Variants in KMT5B observed in about 807,000 individuals in gnomAD.
KMT5B encodes the protein histone-lysine N-methyltransferase KMT5B.
KMT5B carries 10 observed loss-of-function variants against 83.2 expected under a neutral mutation model. That is an observed-to-expected ratio of 0.12 (90% CI 0.07 to 0.20). The LOEUF (loss-of-function observed/expected upper bound fraction) is 0.20. Among genes scored for constraint, KMT5B ranks in the 10% least tolerant of loss-of-function variants. KMT5B has a pLI of 1.00. For synonymous variants in KMT5B, 349 were observed against 388.8 expected, an observed-to-expected ratio of 0.90 and a Z score of 1.20; for missense variants, 753 against 1,067.2, an observed-to-expected ratio of 0.71 and a Z score of 4.10.
In KMT5B at chr11:68,180,188, C is replaced by G. The variant is rs778807355; in HGVS notation, c.321G>C (p.Ser107=). 8 of 1,567,306 alleles carry G rather than the reference C, an allele frequency of 5.1e-6. No homozygotes were observed. The highest frequency in any genetic ancestry group is 1.4e-5 in the African/African-American group (1 of 74,070). Residue 107 remains serine (S), a synonymous_variant, in exon 4 of 11, where the codon TCG becomes TCC. Coordinates refer to ENST00000304363, the MANE Select transcript of KMT5B (RefSeq NM_017635.5). The part of the protein sequence containing the change: ...THKMNTSAFP[S]RSSRHFSKSD... ...ATTTTGAAAAATGCCTTGAGCTCCTCGAAGGAAAGGCGCTATATAAATGCA... is the reference window on the plus strand; with the variant it reads ...ATTTTGAAAAATGCCTTGAGCTCCTGGAAGGAAAGGCGCTATATAAATGCA...
At chr11:68,178,300 T>C (rs893899551) in intron 4 of KMT5B, among the ~76,000 whole-genome samples, 3 of 152,212 alleles carry the variant, frequency 2.0e-5, no homozygotes, top group Non-Finnish European at 4.4e-5. Context: ...TTCATTCCTA[T>C]CTAAAAATGC....
At chr11:68,163,196 G>A (rs1000914301) in intron 10 of KMT5B, among the ~76,000 whole-genome samples, 2 of 152,186 alleles carry the variant, frequency 1.3e-5, no homozygotes, top group East Asian at 3.8e-4. Context: ...ATTTTAGGTG[G>A]GGGTACACAT....
chr11:68,160,624 C>G (rs1361414985), intron 10 of KMT5B, among the ~76,000 whole-genome samples: 1 of 152,166 alleles, frequency 6.6e-6, no homozygotes, highest in African/African-American at 2.4e-5. Flanking sequence ...TTCCGCCCAG[C>G]TAAGCAAGTA....
chr11:68,206,519 G>A (rs1403165607), intron 1 of KMT5B, among the ~76,000 whole-genome samples: 1 of 152,218 alleles, frequency 6.6e-6, no homozygotes, highest in Non-Finnish European at 1.5e-5. Flanking sequence ...GATTAAGGAT[G>A]TGGCTCTGCA....
intron 1 of KMT5B, among the ~76,000 whole-genome samples, chr11:68,201,855 G>A (rs1416108128): frequency 6.6e-6 from 1 of 151,674 alleles, no homozygotes; most frequent in Non-Finnish European, 1.5e-5. Flanking sequence ...CGAAGCAGGT[G>A]GATTCCTTGA....
chr11:68,179,343 C>CAT, intron 4 of KMT5B: 1 of 905,646 alleles, frequency 1.1e-6, no homozygotes, highest in Non-Finnish European at 1.5e-6. Flanking sequence ...ATCAACCAAA[C>CAT]ATATCTATTT....
At chr11:68,176,144 G>T (rs940493226) in intron 4 of KMT5B, among the ~76,000 whole-genome samples, 1 of 152,166 alleles carries the variant, frequency 6.6e-6, no homozygotes, top group East Asian at 1.9e-4. Context: ...ACCTCAAGTG[G>T]TCTGCCCACC....
intron 9 of KMT5B, among the ~76,000 whole-genome samples, chr11:68,168,153 C>A (rs1045941617): frequency 1.3e-5 from 2 of 152,070 alleles, no homozygotes; most frequent in Admixed American, 6.6e-5. Flanking sequence ...GAGCAAGACT[C>A]CGTCTAAAAA....
At chr11:68,186,761 G>C (rs1439797699) in intron 2 of KMT5B, among the ~76,000 whole-genome samples, 3 of 152,210 alleles carry the variant, frequency 2.0e-5, no homozygotes, top group African/African-American at 7.2e-5. Flanking sequence ...CAACAGCAAT[G>C]TAACTTTCAG....
At chr11:68,170,020 C>T (rs1004765167) in intron 9 of KMT5B, among the ~76,000 whole-genome samples, 1 of 152,164 alleles carries the variant, frequency 6.6e-6, no homozygotes, top group Non-Finnish European at 1.5e-5. Context: ...ATGACTCCGT[C>T]CTCTCTCACC....
intron 1 of KMT5B, among the ~76,000 whole-genome samples, chr11:68,208,698 A>C (rs944437975): frequency 6.6e-6 from 1 of 152,030 alleles, no homozygotes; most frequent in African/African-American, 2.4e-5. Context: ...TGTAAATATA[A>C]AAACAAGACC....
intron 2 of KMT5B, among the ~76,000 whole-genome samples, chr11:68,188,320 G>A (rs994518288): frequency 4.6e-5 from 7 of 151,004 alleles, no homozygotes; most frequent in Non-Finnish European, 8.8e-5. Context: ...CACCACGCCC[G>A]GCCCGTAATG....
At chr11:68,199,529 G>A (rs189648214) in intron 1 of KMT5B, among the ~76,000 whole-genome samples, 38 of 152,284 alleles carry the variant, frequency 2.5e-4, no homozygotes, top group African/African-American at 8.9e-4. Flanking sequence ...AGGGAAGAAG[G>A]GCTTCAAAGC....
rs1373353869 is a variant in KMT5B at position 68,156,083 on chromosome 11, A to C, written c.*1605T>G. On this transcript the variant is annotated 3_prime_UTR_variant, in exon 11 of 11. Coordinates refer to ENST00000304363, the MANE Select transcript of KMT5B (RefSeq NM_017635.5). The stretch of plus-strand genomic sequence containing the variant: ...TAGGAATCAATTAGTAGTAACAGTA[A>C]GCATTGAGATTTTCTCCACTGGACT... 6.6e-6 allele frequency: 1 copy of C among 152,242 alleles called. No homozygotes were observed. The highest frequency in any genetic ancestry group is 2.4e-5 in the African/African-American group (1 of 41,468). The allele number at this position is 152,242 out of a possible 1,614,324, so 9.4% of individuals were successfully genotyped here.
intron 9 of KMT5B, 47 bp from the exon 10 acceptor site, chr11:68,167,225 T>C (rs1272950289): frequency 5.8e-6 from 9 of 1,548,496 alleles, no homozygotes; most frequent in Middle Eastern, 1.7e-4. Flanking sequence ...CACACTTTCT[T>C]ATAATAAGCT....
In KMT5B at chr11:68,172,977, T is replaced by C. The variant is rs144956639; in HGVS notation, c.653+827A>G. Among the ~76,000 whole-genome samples the C allele has an allele frequency of 2.6e-4, 40 of 152,244 alleles. 1 individual carries two copies. The highest frequency in any genetic ancestry group is 8.7e-4 in the African/African-American group (36 of 41,562). On this transcript the variant is annotated intron_variant, in intron 6 of 10. Transcript: ENST00000304363. Reference sequence around the variant, plus strand: ...GAGATAACATAGGGAACAGGCATGATAGGAAAGAAGATACAGTAGTATATT... The same window carrying C: ...GAGATAACATAGGGAACAGGCATGACAGGAAAGAAGATACAGTAGTATATT...
rs1218219121 is a variant in KMT5B, at chr11:68,173,907, T to C, written c.550A>G (p.Ile184Val). 11 of 1,586,000 alleles carry C rather than the reference T, an allele frequency of 6.9e-6. No individual in the cohort carries two copies. The African/African-American group carries it at 1.4e-4, about 20-fold the overall frequency. ...QEKLFKEHVF[I>V]YLRMFATDSG... ...TCAGTTGCAAACATTCGCAAATAAA[T>C]AAATACCTAAAACAGGAAAAAAAAA... The change falls in exon 6 of 11, where the codon ATT becomes GTT. Residue 184 changes from isoleucine (I) to valine (V), a missense_variant. Ile to Val is a conservative substitution (Grantham distance 29, BLOSUM62 3). Around this residue, in one of 9 missense-constraint regions of KMT5B, gnomAD observed 71 missense variants for 107.0 expected, o/e 0.66. Transcript: ENST00000304363.
intron 9 of KMT5B, among the ~76,000 whole-genome samples, chr11:68,168,631 G>A (rs555754845): frequency 2.6e-5 from 4 of 152,166 alleles, no homozygotes; most frequent in South Asian, 4.1e-4. Flanking sequence ...TCACACGTGC[G>A]TGGCCTTTGC....
chr11:68,204,295 T>C (rs1302185471), intron 1 of KMT5B, among the ~76,000 whole-genome samples: 1 of 152,174 alleles, frequency 6.6e-6, no homozygotes, highest in Non-Finnish European at 1.5e-5. Context: ...AATGCTACCT[T>C]ATAAGGAAAA....
Sources: gnomAD v4.1 joint callset for allele counts (sites outside exome capture counted in the v4.1 genomes callset) on GRCh38, gnomAD v4.1.1 for gene constraint, gnomAD v4.1.1 regional missense constraint, MANE v1.5 for transcripts, NCBI Gene and HGNC (gene_info 2026-07-23, HGNC 2026-07-21) for gene names.